The following FOXP2 variants were observed in gnomAD, a reference collection of about 807,000 sequenced individuals.
The protein encoded by FOXP2 is forkhead box P2.
Under a neutral mutation model 115.8 loss-of-function variants are expected in FOXP2, and 12 were observed. The ratio of observed to expected loss-of-function variants is 0.10; its 90% CI spans 0.07 to 0.17. The LOEUF is 0.17. FOXP2 is among the 10% of genes least tolerant of loss of function. The pLI, the probability that FOXP2 is intolerant of heterozygous loss-of-function variation, is 1.00. For missense variants in FOXP2, 629 were observed against 843.5 expected (o/e 0.75, Z 3.15); for synonymous variants, 328 against 297.7 (o/e 1.10, Z -1.05).
intron 2 of FOXP2, among the ~76,000 whole-genome samples, chr7:114,478,234 G>A (rs971806694): frequency 4.6e-5 from 7 of 151,770 alleles, no homozygotes; most frequent in African/African-American, 1.2e-4. Context: ...TGTTGAATGG[G>A]AATTTCACCA....
intron 2 of FOXP2, among the ~76,000 whole-genome samples, chr7:114,517,706 C>A (rs191615307): frequency 2.2e-4 from 34 of 152,124 alleles, no homozygotes; most frequent in Non-Finnish European, 4.3e-4. Flanking sequence ...ATGCCAGTAT[C>A]ATGCTGTTTT....
chr7:114,259,416 A>G (rs1273947134), intron 1 of FOXP2, among the ~76,000 whole-genome samples: 1 of 152,238 alleles, frequency 6.6e-6, no homozygotes, highest in Admixed American at 6.5e-5. Flanking sequence ...TAATAATACC[A>G]TCTTTCATAT....
chr7:114,086,767 G>T (rs1032191322), upstream of FOXP2, among the ~76,000 whole-genome samples: 1 of 152,218 alleles, frequency 6.6e-6, no homozygotes, highest in Non-Finnish European at 1.5e-5. Context: ...CCTGCTTGCC[G>T]GGGCGAGTGT....
intron 8 of FOXP2, among the ~76,000 whole-genome samples, chr7:114,649,318 A>C (rs1166216643): frequency 6.6e-6 from 1 of 152,122 alleles, no homozygotes; most frequent in Non-Finnish European, 1.5e-5. Context: ...AGTATTATGG[A>C]GCATTCATAT....
chr7:114,111,611 C>T (rs1429925021), intron 1 of FOXP2, among the ~76,000 whole-genome samples: 2 of 152,018 alleles, frequency 1.3e-5, no homozygotes, highest in African/African-American at 2.4e-5. Flanking sequence ...TTGCTTTGGT[C>T]ACATTTTTGC....
chr7:114,473,386 C>G (rs1240905313), intron 2 of FOXP2, among the ~76,000 whole-genome samples: 6 of 152,080 alleles, frequency 3.9e-5, no homozygotes, highest in Admixed American at 3.9e-4. Context: ...GGAAGTGGCC[C>G]CAGAGCAAAC....
chr7:114,383,444 CAG>C (rs1792361303), intron 2 of FOXP2, among the ~76,000 whole-genome samples: 1 of 151,984 alleles, frequency 6.6e-6, no homozygotes, highest in Non-Finnish European at 1.5e-5. Context: ...GGGAAGGAGT[CAG>C]GGGGATGCTG....
At position 114,653,914 on chromosome 7, in the gene FOXP2, C is replaced by G. The variant is rs200946224; in HGVS notation, c.1183-12C>G. On this transcript the variant is annotated splice_polypyrimidine_tract_variant and intron_variant, in intron 9 of 16. Coordinates refer to ENST00000350908, the MANE Select transcript of FOXP2 (RefSeq NM_014491.4). ...TTTCTAAAACGCTTCTGATCTCACTCTTTCTTAACAGCTTTCTAAAGAACG... is the reference window on the plus strand; with the variant it reads ...TTTCTAAAACGCTTCTGATCTCACTGTTTCTTAACAGCTTTCTAAAGAACG... The G allele has an allele frequency of 3.7e-6, 6 of 1,612,092 alleles. No individual in the cohort carries two copies. Among genetic ancestry groups the G allele is most frequent in the Non-Finnish European group, 5.1e-6 (6 of 1,178,808 alleles).
chr7:114,205,961 G>T (rs537028715), intron 1 of FOXP2, among the ~76,000 whole-genome samples: 1 of 152,294 alleles, frequency 6.6e-6, no homozygotes, highest in South Asian at 2.1e-4. Flanking sequence ...CAAGCTTGGT[G>T]GCATGCATAT....
At chr7:114,642,812 A>ATATATATATT (rs1308357594) in intron 7 of FOXP2, among the ~76,000 whole-genome samples, 189 bp downstream of exon 7, 10 of 72,428 alleles carry the variant, frequency 1.4e-4, no homozygotes, top group Non-Finnish European at 1.6e-4. Flanking sequence ...ATATATATAT[A>ATATATATATT]TTTTTTTTTT....
chr7:114,505,629 G>C (rs1797773082), intron 2 of FOXP2, among the ~76,000 whole-genome samples: 1 of 150,464 alleles, frequency 6.6e-6, no homozygotes, highest in African/African-American at 2.4e-5. Flanking sequence ...AACAAAACTA[G>C]AAAGCCCTTA....
At chr7:114,637,120 T>G (rs550739544) in intron 6 of FOXP2, among the ~76,000 whole-genome samples, 1 of 152,276 alleles carries the variant, frequency 6.6e-6, no homozygotes, top group African/African-American at 2.4e-5. Flanking sequence ...GTCAGGGCTA[T>G]AGTGATCTGT....
At chr7:114,686,297 C>T (rs1290927214) in intron 16 of FOXP2, among the ~76,000 whole-genome samples, 4 of 151,972 alleles carry the variant, frequency 2.6e-5, no homozygotes, top group East Asian at 1.9e-4. Flanking sequence ...CTCGGCCTCC[C>T]GAGTAACTGG....
intron 3 of FOXP2, among the ~76,000 whole-genome samples, chr7:114,584,941 G>A (rs1802058048): frequency 6.6e-6 from 1 of 152,026 alleles, no homozygotes; most frequent in African/African-American, 2.4e-5. Flanking sequence ...GCACATAGTG[G>A]GTACTTTAAA....
intron 2 of FOXP2, among the ~76,000 whole-genome samples, chr7:114,300,476 C>G (rs1796852828): frequency 6.6e-6 from 1 of 151,714 alleles, no homozygotes; most frequent in Non-Finnish European, 1.5e-5. Flanking sequence ...TAATGATTTT[C>G]TATATTATTT....
intron 15 of FOXP2, 42 bp downstream of exon 15, chr7:114,663,561 G>A: frequency 2.1e-6 from 3 of 1,395,634 alleles, no homozygotes; most frequent in Non-Finnish European, 2.0e-6. Flanking sequence ...AATGTTTAGG[G>A]CTTTTTTTTT....
chr7:114,139,194 G>C (rs560121363), intron 1 of FOXP2, among the ~76,000 whole-genome samples: 2 of 152,056 alleles, frequency 1.3e-5, no homozygotes, highest in Non-Finnish European at 2.9e-5. Flanking sequence ...CTTTTTGGTA[G>C]GTATTACTAT....
chr7:114,686,090 A>T lies in FOXP2; in HGVS notation c.2004-3692A>T, dbSNP rs145339356. ...GCCCCATCTAAATATACTTTCATAT[A>T]TGTAGTGCCATTTCTAATCAAATAG... On this transcript the variant is annotated intron_variant, in intron 16 of 16. Coordinates refer to ENST00000350908, the MANE Select transcript of FOXP2 (RefSeq NM_014491.4). Among the ~76,000 whole-genome samples, 272 of 152,200 alleles carry T rather than the reference A, an allele frequency of 1.8e-3. 3 individuals are homozygous for T. Among genetic ancestry groups the T allele is most frequent in the East Asian group, 4.6e-3 (24 of 5,172 alleles).
chr7:114,337,165 T>A (rs1331763103), intron 2 of FOXP2, among the ~76,000 whole-genome samples: 1 of 151,462 alleles, frequency 6.6e-6, no homozygotes, highest in Non-Finnish European at 1.5e-5. Flanking sequence ...TCTTTATATA[T>A]AATGGTTTAA....
Sources: gnomAD v4.1 joint callset for allele counts (sites outside exome capture counted in the v4.1 genomes callset) on GRCh38, gnomAD v4.1.1 for gene constraint, MANE v1.5 for transcripts, NCBI Gene and HGNC (gene_info 2026-07-23, HGNC 2026-07-21) for gene names.